Variants in SERTAD2 observed in about 807,000 individuals in gnomAD.
SERTAD2 encodes SERTA domain-containing protein 2.
Under a neutral mutation model 15.4 loss-of-function variants are expected in SERTAD2, and 2 were observed. That is an observed-to-expected ratio of 0.13 (90% CI 0.05 to 0.41). The LOEUF is 0.41. SERTAD2 is among the 10% of genes least tolerant of loss of function. The probability of loss-of-function intolerance (pLI) is 0.99; values close to 1 mark genes in which losing one functional copy is unlikely to be tolerated. For synonymous variants in SERTAD2, 180 were observed against 178.0 expected (o/e 1.01, Z -0.09); for missense variants, 333 against 409.7 (o/e 0.81, Z 1.62).
At chr2:64,638,009 C>T (rs1243348073) in intron 1 of SERTAD2, among the ~76,000 whole-genome samples, 2 of 152,248 alleles carry the variant, frequency 1.3e-5, no homozygotes, top group Non-Finnish European at 2.9e-5. Flanking sequence ...AAAGATCTCA[C>T]TTTCTAACCA....
rs2104336890 is a variant in SERTAD2 at position 64,636,042 on chromosome 2, T to C, written c.830A>G (p.Asp277Gly). Residue 277 changes from aspartate (D) to glycine (G), a missense_variant, in exon 2 of 2, where the codon GAC (aspartate) becomes GGC (glycine). By Grantham distance (94) the Asp-to-Gly change is moderately conservative. Transcript: ENST00000313349. ...TASKMAPVSA[D>G]DLLKTLAPYS... ...AGGAGCCAGAGTTTTGAGGAGGTCG[T>C]CGGCAGACACAGGGGCCATTTTTGA... is the stretch of plus-strand genomic sequence containing the variant. 25 of 1,613,944 alleles carry C rather than the reference T, an allele frequency of 1.5e-5. No individual in the cohort carries two copies. Among genetic ancestry groups the C allele is most frequent in the Non-Finnish European group, 2.1e-5 (25 of 1,179,990 alleles).
intron 1 of SERTAD2, among the ~76,000 whole-genome samples, chr2:64,639,937 G>A (rs539890207): frequency 3.6e-4 from 55 of 151,534 alleles, no homozygotes; most frequent in Non-Finnish European, 6.0e-4. Context: ...CAGAGGGCTC[G>A]GTAAGCAAAA....
chr2:64,646,533 G>A (rs146441664), intron 1 of SERTAD2: 2 of 152,230 alleles, frequency 1.3e-5, no homozygotes, highest in African/African-American at 4.8e-5. Context: ...GCGCAGCCGA[G>A]CAGCAAGGAG....
chr2:64,635,847 G>T lies in SERTAD2; in HGVS notation c.*80C>A. 2.7e-6 allele frequency: 3 copies of T among 1,097,956 alleles called. No homozygotes were observed. The highest frequency in any genetic ancestry group is 4.0e-6 in the Non-Finnish European group (3 of 743,360). 68.0% of individuals were successfully genotyped at this position (1,097,956 alleles called of 1,614,324 possible). ...TTCTCTGAAAAAGGCAAGCAAGGGT[G>T]CATGCACAGTGTGGAGAACTGTCAG... is the stretch of plus-strand genomic sequence containing the variant. On this transcript the variant is annotated 3_prime_UTR_variant, in exon 2 of 2. Coordinates refer to ENST00000313349, the MANE Select transcript of SERTAD2 (RefSeq NM_014755.3).
chr2:64,651,903 G>A (rs1675019470), intron 1 of SERTAD2, among the ~76,000 whole-genome samples: 1 of 152,088 alleles, frequency 6.6e-6, no homozygotes, highest in South Asian at 2.1e-4. Flanking sequence ...AAGGAAAAAG[G>A]GGGTTGGGGG....
At chr2:64,637,239 C>A (rs1038646989) in intron 1 of SERTAD2, among the ~76,000 whole-genome samples, 2 of 152,138 alleles carry the variant, frequency 1.3e-5, no homozygotes, top group African/African-American at 2.4e-5. Context: ...GGTTCGATTT[C>A]CCTCCCCCAC....
intron 1 of SERTAD2, among the ~76,000 whole-genome samples, chr2:64,641,725 C>T (rs896955495): frequency 2.4e-4 from 36 of 152,154 alleles, no homozygotes; most frequent in African/African-American, 7.5e-4. Flanking sequence ...GCACAGACCT[C>T]GGAGTTGAAC....
rs540123216 is a variant in SERTAD2 at position 64,635,258 on chromosome 2, C to T, written c.*669G>A. 4.6e-5 allele frequency: 7 copies of T among 152,652 alleles called. No individual in the cohort carries two copies. The highest frequency in any genetic ancestry group is 1.0e-4 in the Non-Finnish European group (7 of 68,048). The allele number at this position is 152,652 out of a possible 1,614,324, so 9.5% of individuals were successfully genotyped here. A position where few individuals can be genotyped will look rare whatever the true frequency, so the allele number is the denominator to read the frequency against. On this transcript the variant is annotated 3_prime_UTR_variant, in exon 2 of 2. Transcript: ENST00000313349. Reference sequence around the variant, plus strand: ...TATAAAAGTACAAGTGCAACTTGTACATCTGAAGTTTGCAGGAACTATGTG... The same window carrying T: ...TATAAAAGTACAAGTGCAACTTGTATATCTGAAGTTTGCAGGAACTATGTG...
At chr2:64,653,287 C>CA (rs1417119707) in intron 1 of SERTAD2, among the ~76,000 whole-genome samples, 1 of 152,222 alleles carries the variant, frequency 6.6e-6, no homozygotes, top group African/African-American at 2.4e-5. Context: ...AACGCGCACA[C>CA]ACATCCCAGC....
chr2:64,641,264 CA>C (rs1241604997), intron 1 of SERTAD2, among the ~76,000 whole-genome samples: 2 of 152,174 alleles, frequency 1.3e-5, no homozygotes, highest in African/African-American at 4.8e-5. Flanking sequence ...CCTCAAAAGT[CA>C]AAGGACCAGA....
chr2:64,650,835 A>G (rs921181593), intron 1 of SERTAD2, among the ~76,000 whole-genome samples: 1 of 152,214 alleles, frequency 6.6e-6, no homozygotes, highest in Admixed American at 6.5e-5. Flanking sequence ...AGAAAGACCT[A>G]TGAGAGCTGG....
In SERTAD2 at chr2:64,636,663, C is replaced by T; in HGVS notation, c.209G>A (p.Arg70Lys). ...QKTVLINNML[R>K]RIQEELKQEG... ...CTGTTTGAGTTCCTCCTGGATCCGC[C>T]TCAACATGTTGTTAATTAAAACGGT... Residue 70 changes from arginine to lysine, a missense_variant, in exon 2 of 2, where the codon AGG (arginine) becomes AAG (lysine). Around this residue, in one of 2 missense-constraint regions of SERTAD2, gnomAD observed 332 missense variants for 392.9 expected, o/e 0.84. Coordinates refer to ENST00000313349, the MANE Select transcript of SERTAD2 (RefSeq NM_014755.3). 1 of 1,614,076 alleles carries T rather than the reference C, an allele frequency of 6.2e-7. No individual in the cohort carries two copies. The highest frequency in any genetic ancestry group is 1.1e-5 in the South Asian group (1 of 91,074).
At chr2:64,637,217 G>C (rs1263246226) in intron 1 of SERTAD2, among the ~76,000 whole-genome samples, 1 of 152,172 alleles carries the variant, frequency 6.6e-6, no homozygotes, top group Admixed American at 6.5e-5. Context: ...GCATGCCTAA[G>C]ATTATCATGC....
chr2:64,643,939 T>A (rs1674837502), intron 1 of SERTAD2, among the ~76,000 whole-genome samples: 1 of 152,096 alleles, frequency 6.6e-6, no homozygotes, highest in Non-Finnish European at 1.5e-5. Flanking sequence ...CACTGTCCCA[T>A]ATGGCTGCTG....
At position 64,634,716 on chromosome 2, in the gene SERTAD2, A is replaced by G. The variant is rs1369994613; in HGVS notation, c.*1211T>C. 1 of 152,202 alleles carries G rather than the reference A, an allele frequency of 6.6e-6. No homozygotes were observed. Among genetic ancestry groups the G allele is most frequent in the Non-Finnish European group, 1.5e-5 (1 of 68,038 alleles). 9.4% of individuals were successfully genotyped at this position (152,202 alleles called of 1,614,324 possible). A position where few individuals can be genotyped will look rare whatever the true frequency, so the allele number is the denominator to read the frequency against. On this transcript the variant is annotated 3_prime_UTR_variant, in exon 2 of 2. Coordinates refer to ENST00000313349, the MANE Select transcript of SERTAD2 (RefSeq NM_014755.3). ...GGAGATTTTCTTCTTTAAGGGCCCT[A>G]AGCATTGCAACAGGGCTGAGTTCCA...
Position 64,633,480 on chromosome 2 carries a change from A to C in SERTAD2, c.*2447T>G, listed in dbSNP as rs895952895. 2 of 152,244 alleles carry C rather than the reference A, an allele frequency of 1.3e-5. No homozygotes were observed. The highest frequency in any genetic ancestry group is 4.8e-5 in the African/African-American group (2 of 41,454). The allele number at this position is 152,244 out of a possible 1,614,324, so 9.4% of individuals were successfully genotyped here. On this transcript the variant is annotated 3_prime_UTR_variant, in exon 2 of 2. Transcript: ENST00000313349. ...TGTAAGTTACTGTAAATCAGTTTTT[A>C]ACAATGGCAAACCAACTGTTTTACC...
chr2:64,645,539 C>T (rs1244192466), intron 1 of SERTAD2, among the ~76,000 whole-genome samples: 2 of 152,174 alleles, frequency 1.3e-5, no homozygotes, highest in Non-Finnish European at 2.9e-5. Context: ...TTACATGCTC[C>T]TATTAAATTG....
chr2:64,633,840 A>G lies in SERTAD2; in HGVS notation c.*2087T>C, dbSNP rs1330664204. On this transcript the variant is annotated 3_prime_UTR_variant, in exon 2 of 2. Coordinates refer to ENST00000313349, the MANE Select transcript of SERTAD2 (RefSeq NM_014755.3). The stretch of plus-strand genomic sequence containing the variant: ...TCTACTGAGCTGATAATTAGCCTTT[A>G]AAACACATTCAAGTGGGGGGAAAAA... 6.6e-6 allele frequency: 1 copy of G among 152,364 alleles called. No homozygotes were observed. The highest frequency in any genetic ancestry group is 1.5e-5 in the Non-Finnish European group (1 of 68,028). 9.4% of individuals were successfully genotyped at this position (152,364 alleles called of 1,614,324 possible).
At chr2:64,646,545 G>C (rs573977996) in intron 1 of SERTAD2, 1 of 152,094 alleles carries the variant, frequency 6.6e-6, no homozygotes, top group Non-Finnish European at 1.5e-5. Flanking sequence ...AGCAAGGAGC[G>C]CAAAAGTCTC....
Sources: allele counts gnomAD v4.1 joint callset (sites outside exome capture counted in the v4.1 genomes callset), GRCh38; gene constraint gnomAD v4.1.1; regional missense constraint gnomAD v4.1.1; transcripts MANE v1.5; gene names NCBI Gene and HGNC (gene_info 2026-07-23, HGNC 2026-07-21).